The following CEP135 variants were observed in gnomAD, a reference collection of about 807,000 sequenced individuals.
CEP135 encodes centrosomal protein of 135 kDa.
Under a neutral mutation model 157.3 loss-of-function variants are expected in CEP135, and 142 were observed. That is an observed-to-expected ratio of 0.90 (90% CI 0.79 to 1.04). The LOEUF is 1.04. Among genes scored for constraint, CEP135 ranks in the 50% least tolerant of loss-of-function variants. The pLI is 0.00. For missense variants in CEP135, 1,317 were observed against 1,309.2 expected (o/e 1.01, Z -0.09); for synonymous variants, 396 against 439.8 (o/e 0.90, Z 1.25).
At position 55,973,003 on chromosome 4, in the gene CEP135, C is replaced by A. The variant is rs140006939; in HGVS notation, c.1249+1595C>A. Among the ~76,000 whole-genome samples the A allele has an allele frequency of 2.6e-5, 4 of 152,204 alleles. No individual in the cohort carries two copies. In the East Asian group the frequency reaches 7.7e-4, roughly 29 times the overall value. ...CCGAGATCGCACCCTTGTACTCCAG[C>A]CTGGGCAAAAATAGTGAAACTGTGT... On this transcript the variant is annotated intron_variant, in intron 10 of 25. Coordinates refer to ENST00000257287, the MANE Select transcript of CEP135 (RefSeq NM_025009.5).
At position 55,957,208 on chromosome 4, in the gene CEP135, ACT is replaced by A; in HGVS notation, c.473-13_473-12del. 1 of 1,609,834 alleles carries A rather than the reference ACT, an allele frequency of 6.2e-7. No individual in the cohort carries two copies. The highest frequency in any genetic ancestry group is 8.5e-7 in the Non-Finnish European group (1 of 1,178,938). ...TTGTTTCTTCTTAGTTTTTTAAGAC[ACT>A]CATTCTTTTTAGGTGGCAAGAAAAG... On this transcript the variant is annotated splice_polypyrimidine_tract_variant and intron_variant, in intron 4 of 25. Coordinates refer to ENST00000257287, the MANE Select transcript of CEP135 (RefSeq NM_025009.5).
At chr4:56,006,073 G>A (rs894396830) in intron 17 of CEP135, among the ~76,000 whole-genome samples, 1 of 152,146 alleles carries the variant, frequency 6.6e-6, no homozygotes, top group African/African-American at 2.4e-5. Flanking sequence ...TCTTTTTGGG[G>A]TTGAATCTCT....
At chr4:55,994,066 C>A (rs1729882021) in intron 15 of CEP135, among the ~76,000 whole-genome samples, 1 of 151,984 alleles carries the variant, frequency 6.6e-6, no homozygotes, top group Admixed American at 6.5e-5. Flanking sequence ...ATTGGTAGAA[C>A]CATGAGTTGA....
intron 8 of CEP135, among the ~76,000 whole-genome samples, chr4:55,967,057 A>G (rs147332902): frequency 1.1e-3 from 170 of 152,128 alleles, no homozygotes; most frequent in African/African-American, 3.5e-3. Context: ...TGATCATACT[A>G]TCATACATCT....
chr4:56,011,545 G>C, intron 20 of CEP135, 23 bp downstream of exon 20: 1 of 1,496,628 alleles, frequency 6.7e-7, no homozygotes, highest in South Asian at 1.2e-5. Flanking sequence ...ATTTAGGTTG[G>C]ATTTAAGACT....
intron 6 of CEP135, among the ~76,000 whole-genome samples, chr4:55,962,089 C>G (rs1728699361): frequency 6.7e-6 from 1 of 150,282 alleles, no homozygotes; most frequent in African/African-American, 2.4e-5. Flanking sequence ...AGCTAACATC[C>G]TTTTTAAAAA....
In CEP135 at chr4:55,971,416, G is replaced by A. The variant is rs767320674; in HGVS notation, c.1249+8G>A. ...AAAGTTTTGCAGTTACAGGTAAGAT[G>A]TCAAATTTTGATAGCTAAAGAATGA... On this transcript the variant is annotated splice_region_variant and intron_variant, in intron 10 of 25. Transcript: ENST00000257287. The A allele has an allele frequency of 9.5e-6, 15 of 1,585,642 alleles. No individual in the cohort carries two copies. The highest frequency in any genetic ancestry group is 9.4e-5 in the South Asian group (8 of 85,440).
At chr4:55,982,867 A>G (rs949338002) in intron 13 of CEP135, among the ~76,000 whole-genome samples, 1 of 152,152 alleles carries the variant, frequency 6.6e-6, no homozygotes, top group Non-Finnish European at 1.5e-5. Context: ...CTCCAAAAAT[A>G]TAAGTATATT....
intron 24 of CEP135, among the ~76,000 whole-genome samples, chr4:56,022,855 G>A (rs1047405063): frequency 3.3e-5 from 5 of 152,118 alleles, no homozygotes; most frequent in Non-Finnish European, 7.4e-5. Context: ...CAGCACTTTG[G>A]GAGGCTGAGG....
intron 13 of CEP135, 58 bp from the exon 14 acceptor site, chr4:55,985,222 TG>T: frequency 1.2e-6 from 1 of 850,162 alleles, no homozygotes; most frequent in Non-Finnish European, 2.0e-6. Flanking sequence ...TTGCTTACTG[TG>T]GTGATTTTGT....
intron 17 of CEP135, among the ~76,000 whole-genome samples, chr4:56,001,202 A>T (rs1015828372): frequency 1.3e-5 from 2 of 152,100 alleles, no homozygotes; most frequent in Non-Finnish European, 2.9e-5. Flanking sequence ...CCCATTCTGT[A>T]GGTTGTCTCT....
In CEP135 at chr4:55,974,641, T is replaced by A; in HGVS notation, c.1250-105T>A. 3.7e-6 allele frequency: 3 copies of A among 801,822 alleles called. No individual in the cohort carries two copies. The South Asian group carries it at 5.9e-5, about 16-fold the overall frequency. 49.7% of individuals were successfully genotyped at this position (801,822 alleles called of 1,614,324 possible). On this transcript the variant is annotated intron_variant, in intron 10 of 25. Coordinates refer to ENST00000257287, the MANE Select transcript of CEP135 (RefSeq NM_025009.5). ...TACAGGTGTTATGTAGAACAGTTCA[T>A]GATTTCTAGTAGCTTTCATTCTAAA...
chr4:56,008,050 A>G (rs1323563392), intron 17 of CEP135, among the ~76,000 whole-genome samples: 1 of 152,196 alleles, frequency 6.6e-6, no homozygotes, highest in African/African-American at 2.4e-5. Context: ...TTTTTCAAAT[A>G]ATGTTAATCT....
chr4:55,964,967 G>A (rs898617258), intron 7 of CEP135: 4 of 151,970 alleles, frequency 2.6e-5, no homozygotes, highest in Non-Finnish European at 5.9e-5. Context: ...TATGACACAG[G>A]AACTTTAGAA....
At chr4:55,993,140 G>C (rs1004258776) in intron 15 of CEP135, among the ~76,000 whole-genome samples, 24 of 152,146 alleles carry the variant, frequency 1.6e-4, no homozygotes, top group African/African-American at 5.3e-4. Context: ...AATGGCATTG[G>C]ATATTGGCAG....
intron 17 of CEP135, among the ~76,000 whole-genome samples, chr4:56,003,855 G>A (rs909285566): frequency 1.3e-5 from 2 of 151,902 alleles, no homozygotes; most frequent in Admixed American, 6.6e-5. Context: ...CAATTAGCTG[G>A]TACTACAGAC....
intron 6 of CEP135, among the ~76,000 whole-genome samples, chr4:55,963,617 A>G (rs1343560577): frequency 6.6e-6 from 1 of 152,154 alleles, no homozygotes; most frequent in Non-Finnish European, 1.5e-5. Context: ...GTGGTGGCAC[A>G]TACCTGTAGT....
At chr4:55,968,433 A>G (rs1260890543) in intron 8 of CEP135, among the ~76,000 whole-genome samples, 2 of 151,712 alleles carry the variant, frequency 1.3e-5, no homozygotes, top group Non-Finnish European at 2.9e-5. Flanking sequence ...GGAATCTCCA[A>G]GGACCCCAGA....
At chr4:56,007,615 A>C (rs1730400233) in intron 17 of CEP135, among the ~76,000 whole-genome samples, 1 of 152,176 alleles carries the variant, frequency 6.6e-6, no homozygotes, top group South Asian at 2.1e-4. Context: ...CTGTGTGTTG[A>C]GGCATGGAAC....
Sources: gnomAD v4.1 joint callset for allele counts (sites outside exome capture counted in the v4.1 genomes callset) on GRCh38, gnomAD v4.1.1 for gene constraint, MANE v1.5 for transcripts, NCBI Gene and HGNC (gene_info 2026-07-23, HGNC 2026-07-21) for gene names.